Variants in CUX1 observed in about 807,000 individuals in gnomAD.
CUX1 encodes the protein cut like homeobox 1, also known as protein CASP.
CUX1 carries 31 observed loss-of-function variants against 158.8 expected under a neutral mutation model. The observed-to-expected ratio is 0.20, with a 90% CI of 0.15 to 0.26. The LOEUF is 0.26. CUX1 is among the 10% of genes least tolerant of loss of function. The pLI is 1.00. For synonymous variants in CUX1, 879 were observed against 862.1 expected (o/e 1.02, Z -0.34); for missense variants, 1,589 against 2,014.6 (o/e 0.79, Z 4.04).
At chr7:101,862,873 T>G (rs1797604476) in intron 1 of CUX1, among the ~76,000 whole-genome samples, 1 of 150,872 alleles carries the variant, frequency 6.6e-6, no homozygotes, top group Admixed American at 6.7e-5. Context: ...ATTATTTTTT[T>G]TCACAGCAAT....
chr7:101,989,098 C>T (rs1413769875), intron 2 of CUX1, among the ~76,000 whole-genome samples: 1 of 152,142 alleles, frequency 6.6e-6, no homozygotes, highest in Non-Finnish European at 1.5e-5. Flanking sequence ...GCTCCTCCTC[C>T]AAGGCTCGGC....
chr7:101,870,127 A>G (rs1233540930), intron 1 of CUX1, among the ~76,000 whole-genome samples: 2 of 146,282 alleles, frequency 1.4e-5, no homozygotes, highest in Admixed American at 6.9e-5. Context: ...GAGGCCATGC[A>G]GGCCCTGATG....
At chr7:102,204,959 C>T (rs1448806481) in intron 19 of CUX1, among the ~76,000 whole-genome samples, 155 bp from the exon 20 acceptor site, 1 of 152,224 alleles carries the variant, frequency 6.6e-6, no homozygotes, top group Non-Finnish European at 1.5e-5. Context: ...GGGGCCTGGC[C>T]TTGCAACAGC....
chr7:102,014,737 C>CT lies in CUX1; in HGVS notation c.142-13360dup, dbSNP rs1818398660. Among the ~76,000 whole-genome samples the CT allele has an allele frequency of 2.0e-5, 3 of 151,868 alleles. No individual in the cohort carries two copies. In the South Asian group the frequency reaches 6.2e-4, roughly 31 times the overall value. The stretch of plus-strand genomic sequence containing the variant: ...AAGGTTTAAATTCCCAAGTTGCCCC[C>CT]TAAGTTACATGTTGCTTAGGCTTGG... On this transcript the variant is annotated intron_variant, in intron 2 of 23. Transcript: ENST00000292535.
chr7:102,209,450 G>A (rs1455722173), intron 20 of CUX1, among the ~76,000 whole-genome samples: 2 of 151,026 alleles, frequency 1.3e-5, no homozygotes, highest in Non-Finnish European at 2.9e-5. Context: ...AAGGTGAGCG[G>A]TAGGTTCCAT....
At chr7:102,146,934 A>G (rs1554502235) in intron 8 of CUX1, among the ~76,000 whole-genome samples, 1 of 152,124 alleles carries the variant, frequency 6.6e-6, no homozygotes, top group Non-Finnish European at 1.5e-5. Context: ...TGTATCATTT[A>G]AATTAGTATA....
chr7:102,091,701 T>C (rs1828598996), intron 4 of CUX1, among the ~76,000 whole-genome samples: 1 of 152,158 alleles, frequency 6.6e-6, no homozygotes, highest in African/African-American at 2.4e-5. Flanking sequence ...CTTACATGCT[T>C]TTGCCAAGAG....
At chr7:101,996,008 A>G (rs1263869910) in intron 2 of CUX1, among the ~76,000 whole-genome samples, 2 of 151,986 alleles carry the variant, frequency 1.3e-5, no homozygotes, top group Non-Finnish European at 2.9e-5. Flanking sequence ...GCTACTCGGG[A>G]GGCTGAGGCA....
Position 102,257,125 on chromosome 7 carries a change from C to T in CUX1, c.*8083C>T. On this transcript the variant is annotated 3_prime_UTR_variant, in exon 24 of 24. Coordinates refer to ENST00000292535, the MANE Select transcript of CUX1 (RefSeq NM_181552.4). ...GCGCCCTGCCTTGATCCCATGGGCC[C>T]AGCAGAAGGAAACTTACCCCAGGCC... 1 of 985,342 alleles carries T rather than the reference C, an allele frequency of 1.0e-6. No homozygotes were observed. Among genetic ancestry groups the T allele is most frequent in the South Asian group, 4.7e-5 (1 of 21,274 alleles). 61.0% of individuals were successfully genotyped at this position (985,342 alleles called of 1,614,324 possible).
intron 8 of CUX1, among the ~76,000 whole-genome samples, chr7:102,121,080 A>C (rs114374096): frequency 3.0e-4 from 46 of 152,192 alleles, no homozygotes; most frequent in Non-Finnish European, 6.0e-4. Flanking sequence ...AATAATAATA[A>C]TTTTTAAAAG....
At chr7:102,145,661 G>A (rs1341888850) in intron 8 of CUX1, among the ~76,000 whole-genome samples, 1 of 151,956 alleles carries the variant, frequency 6.6e-6, no homozygotes, top group Non-Finnish European at 1.5e-5. Context: ...AAAGACAATG[G>A]GAGGGCCGGG....
chr7:102,099,475 G>GTTT (rs111487536), intron 5 of CUX1, among the ~76,000 whole-genome samples: 73 of 142,800 alleles, frequency 5.1e-4, no homozygotes, highest in Non-Finnish European at 6.4e-4. Flanking sequence ...GAGTATCCTG[G>GTTT]TTTTTTTTTT....
intron 2 of CUX1, among the ~76,000 whole-genome samples, chr7:101,997,054 C>T (rs1326432689): frequency 6.6e-6 from 1 of 152,112 alleles, no homozygotes; most frequent in East Asian, 1.9e-4. Context: ...TGTCTTGTGT[C>T]CTCTGACCGC....
At chr7:102,129,212 C>T (rs1279870261) in intron 8 of CUX1, among the ~76,000 whole-genome samples, 2 of 152,188 alleles carry the variant, frequency 1.3e-5, no homozygotes, top group Non-Finnish European at 2.9e-5. Flanking sequence ...TCCATATTAG[C>T]GTGCCACAGC....
At chr7:101,990,591 G>A (rs1005369859) in intron 2 of CUX1, among the ~76,000 whole-genome samples, 2 of 152,112 alleles carry the variant, frequency 1.3e-5, no homozygotes, top group Non-Finnish European at 2.9e-5. Context: ...TGGCCAGGCT[G>A]ATCGTGAACT....
chr7:101,867,525 G>A (rs145404629), intron 1 of CUX1, among the ~76,000 whole-genome samples: 73 of 152,314 alleles, frequency 4.8e-4, no homozygotes, highest in South Asian at 1.2e-3. Flanking sequence ...CCAGGTCACC[G>A]TGGGCACACT....
intron 6 of CUX1, among the ~76,000 whole-genome samples, chr7:102,105,348 C>G (rs187368825): frequency 1.4e-4 from 22 of 152,126 alleles, no homozygotes; most frequent in African/African-American, 4.8e-4. Flanking sequence ...CCCTATGTAA[C>G]TGATGTGAGT....
Position 102,256,475 on chromosome 7 carries a change from C to CA in CUX1, c.*7434dup, listed in dbSNP as rs550399505. On this transcript the variant is annotated 3_prime_UTR_variant, in exon 24 of 24. Coordinates refer to ENST00000292535, the MANE Select transcript of CUX1 (RefSeq NM_181552.4). Reference sequence around the variant, plus strand: ...GCCTTCCTCTCCTCCCCTACTCCCCCAGAGAACCAAGGCGTCTGGGGGATT... The same window carrying CA: ...GCCTTCCTCTCCTCCCCTACTCCCCCAAGAGAACCAAGGCGTCTGGGGGATT... 2.2e-3 allele frequency: 2,179 copies of CA among 985,404 alleles called. 5 individuals are homozygous for CA. The highest frequency in any genetic ancestry group is 2.5e-3 in the Non-Finnish European group (2,089 of 829,936). The allele number at this position is 985,404 out of a possible 1,614,324, so 61.0% of individuals were successfully genotyped here.
chr7:101,920,918 T>C (rs919579987), intron 2 of CUX1, among the ~76,000 whole-genome samples: 12 of 152,186 alleles, frequency 7.9e-5, no homozygotes, highest in Admixed American at 6.5e-5. Context: ...CTCGATGTCC[T>C]GAGCTCAGGC....
Sources: gnomAD v4.1 joint callset for allele counts (sites outside exome capture counted in the v4.1 genomes callset) on GRCh38, gnomAD v4.1.1 for gene constraint, MANE v1.5 for transcripts, NCBI Gene and HGNC (gene_info 2026-07-23, HGNC 2026-07-21) for gene names.